The following PDGFC variants were observed in gnomAD, a reference collection of about 807,000 sequenced individuals.
The protein encoded by PDGFC is platelet derived growth factor C.
In PDGFC, 12 loss-of-function variants were observed where a neutral mutation model predicts 35.5. The ratio of observed to expected loss-of-function variants is 0.34; its 90% CI spans 0.22 to 0.55. The LOEUF (loss-of-function observed/expected upper bound fraction) is 0.55. PDGFC is among the 20% of genes least tolerant of loss of function. PDGFC has a pLI of 0.91. For synonymous variants in PDGFC, 159 were observed against 148.8 expected, an observed-to-expected ratio of 1.07 and a Z score of -0.50; for missense variants, 322 against 412.4, an observed-to-expected ratio of 0.78 and a Z score of 1.90.
chr4:156,832,835 G>A (rs1286323270), intron 2 of PDGFC, among the ~76,000 whole-genome samples: 2 of 152,100 alleles, frequency 1.3e-5, no homozygotes, highest in South Asian at 2.1e-4. Context: ...TAGTATATGC[G>A]GATTTGGGTG....
At chr4:156,903,393 G>C (rs1271312659) in intron 1 of PDGFC, among the ~76,000 whole-genome samples, 1 of 151,974 alleles carries the variant, frequency 6.6e-6, no homozygotes, top group East Asian at 1.9e-4. Flanking sequence ...AAGCAAAGGT[G>C]ATGGCACAAA....
At chr4:156,915,518 C>A (rs142946978) in intron 1 of PDGFC, among the ~76,000 whole-genome samples, 1 of 151,970 alleles carries the variant, frequency 6.6e-6, no homozygotes, top group African/African-American at 2.4e-5. Context: ...AAACAAGGTG[C>A]GGGGGGGCAG....
intron 1 of PDGFC, among the ~76,000 whole-genome samples, chr4:156,966,678 G>A (rs775252282): frequency 2.0e-5 from 3 of 152,072 alleles, no homozygotes; most frequent in Non-Finnish European, 2.9e-5. Flanking sequence ...CAAAGCTAAG[G>A]CTTCCGTGCC....
intron 1 of PDGFC, among the ~76,000 whole-genome samples, chr4:156,900,766 T>C (rs1730748822): frequency 6.6e-6 from 1 of 151,818 alleles, no homozygotes; most frequent in Admixed American, 6.6e-5. Context: ...GCCTGGGAGG[T>C]TGAGGTTGCA....
intron 1 of PDGFC, among the ~76,000 whole-genome samples, chr4:156,967,011 AG>A (rs1732482135): frequency 6.6e-6 from 1 of 151,030 alleles, no homozygotes; most frequent in Non-Finnish European, 1.5e-5. Flanking sequence ...GCAGAGAACC[AG>A]GAGGAAGTTT....
intron 1 of PDGFC, among the ~76,000 whole-genome samples, chr4:156,938,602 A>T (rs1731736191): frequency 6.6e-6 from 1 of 152,112 alleles, no homozygotes; most frequent in South Asian, 2.1e-4. Context: ...TTTAAAAAGC[A>T]TGTTTAATAA....
intron 1 of PDGFC, among the ~76,000 whole-genome samples, chr4:156,865,343 G>T (rs1729814547): frequency 1.3e-5 from 2 of 152,002 alleles, no homozygotes; most frequent in African/African-American, 2.4e-5. Flanking sequence ...GTCTAATTTA[G>T]AACAATCTAG....
chr4:156,906,365 T>G, intron 1 of PDGFC, among the ~76,000 whole-genome samples: 1 of 152,184 alleles, frequency 6.6e-6, no homozygotes, highest in African/African-American at 2.4e-5. Context: ...CTTGAATGTT[T>G]ATGGCTCATG....
intron 1 of PDGFC, among the ~76,000 whole-genome samples, chr4:156,896,515 T>C (rs1730636943): frequency 1.3e-5 from 2 of 152,208 alleles, no homozygotes; most frequent in East Asian, 3.9e-4. Flanking sequence ...CCCTGTATCA[T>C]AGCTATGACT....
At chr4:156,906,099 T>C (rs1174370904) in intron 1 of PDGFC, among the ~76,000 whole-genome samples, 1 of 152,134 alleles carries the variant, frequency 6.6e-6, no homozygotes, top group Non-Finnish European at 1.5e-5. Context: ...ATAACACACA[T>C]TTTACATACT....
intron 3 of PDGFC, among the ~76,000 whole-genome samples, chr4:156,799,948 C>T (rs1731554357): frequency 6.6e-6 from 1 of 152,046 alleles, no homozygotes; most frequent in Non-Finnish European, 1.5e-5. Context: ...ACCAAAGTAT[C>T]CATGACATCA....
intron 1 of PDGFC, among the ~76,000 whole-genome samples, chr4:156,948,622 A>G (rs1446077770): frequency 6.6e-6 from 1 of 152,032 alleles, no homozygotes; most frequent in Admixed American, 6.6e-5. Context: ...CTAATATAGT[A>G]GTAATATAAG....
At chr4:156,827,245 G>A (rs1223051446) in intron 2 of PDGFC, among the ~76,000 whole-genome samples, 2 of 151,940 alleles carry the variant, frequency 1.3e-5, no homozygotes, top group African/African-American at 4.8e-5. Context: ...GTGAAACCTC[G>A]TCTCTACTAA....
intron 1 of PDGFC, among the ~76,000 whole-genome samples, chr4:156,922,630 G>C (rs902685534): frequency 1.3e-5 from 2 of 152,132 alleles, no homozygotes; most frequent in Non-Finnish European, 2.9e-5. Flanking sequence ...AGAGAGGTGA[G>C]AGAATGAACT....
chr4:156,860,315 A>C (rs1729679694), intron 1 of PDGFC, among the ~76,000 whole-genome samples: 1 of 152,102 alleles, frequency 6.6e-6, no homozygotes, highest in South Asian at 2.1e-4. Context: ...CCTTTATGGC[A>C]TTTGCACTGT....
intron 1 of PDGFC, among the ~76,000 whole-genome samples, chr4:156,867,121 T>C (rs1392973628): frequency 6.6e-6 from 1 of 152,258 alleles, no homozygotes; most frequent in African/African-American, 2.4e-5. Flanking sequence ...ATTTTTTTAA[T>C]ATTTCATTTT....
intron 1 of PDGFC, among the ~76,000 whole-genome samples, chr4:156,854,676 T>A (rs1257190478): frequency 6.6e-6 from 1 of 152,170 alleles, no homozygotes. Flanking sequence ...ACTGTGCTTA[T>A]ATTCTGTTGT....
chr4:156,811,417 C>G (rs956872857), intron 2 of PDGFC, among the ~76,000 whole-genome samples: 1 of 152,036 alleles, frequency 6.6e-6, no homozygotes, highest in Admixed American at 6.6e-5. Context: ...GTAACTCTTT[C>G]ATCCTGGCCA....
intron 1 of PDGFC, among the ~76,000 whole-genome samples, chr4:156,914,276 C>T (rs1731107330): frequency 6.6e-6 from 1 of 152,062 alleles, no homozygotes; most frequent in South Asian, 2.1e-4. Flanking sequence ...ACCAAGTGTG[C>T]TTCTATCTGC....
Sources: allele counts gnomAD v4.1 joint callset (sites outside exome capture counted in the v4.1 genomes callset), GRCh38; gene constraint gnomAD v4.1.1; transcripts MANE v1.5; gene names NCBI Gene and HGNC (gene_info 2026-07-23, HGNC 2026-07-21).